Variants in LRBA observed in about 807,000 individuals in gnomAD.
LRBA encodes lipopolysaccharide-responsive and beige-like anchor protein.
A neutral mutation model predicts 330.0 loss-of-function variants in LRBA; 176 were observed. The observed-to-expected ratio is 0.53, with a 90% CI of 0.47 to 0.60. The LOEUF is 0.60. Ranked by LOEUF, LRBA falls within the 20% of genes least tolerant of loss-of-function variation. The probability of loss-of-function intolerance (pLI) is 0.00; values close to 1 mark genes in which losing one functional copy is unlikely to be tolerated. For synonymous variants in LRBA, 1,230 were observed against 1,193.0 expected (o/e 1.03, Z -0.64); for missense variants, 3,259 against 3,444.8 (o/e 0.95, Z 1.35).
intron 30 of LRBA, 101 bp from the exon 31 acceptor site, chr4:150,817,358 A>G: frequency 9.3e-7 from 1 of 1,074,770 alleles, no homozygotes; most frequent in Non-Finnish European, 1.4e-6. Context: ...TTATTTTTCT[A>G]ATTTTCTTTC....
intron 2 of LRBA, among the ~76,000 whole-genome samples, chr4:150,999,430 CT>C (rs1334446246): frequency 7.2e-4 from 105 of 145,454 alleles, no homozygotes; most frequent in Non-Finnish European, 6.5e-4. Flanking sequence ...TGCTGATTTC[CT>C]TTTTTTTTTT....
chr4:150,511,751 TAACA>T (rs775240785), intron 40 of LRBA, among the ~76,000 whole-genome samples: 10 of 152,232 alleles, frequency 6.6e-5, no homozygotes, highest in Admixed American at 6.5e-5. Flanking sequence ...TTTTATAAAT[TAACA>T]AACAGTCTTT....
intron 42 of LRBA, among the ~76,000 whole-genome samples, chr4:150,479,837 G>C (rs867966338): frequency 6.6e-6 from 1 of 152,190 alleles, no homozygotes; most frequent in Non-Finnish European, 1.5e-5. Context: ...ACTCGGTAAG[G>C]AACTGAGGCC....
At chr4:150,351,263 A>C (rs999954377) in intron 47 of LRBA, among the ~76,000 whole-genome samples, 1 of 152,222 alleles carries the variant, frequency 6.6e-6, no homozygotes, top group Non-Finnish European at 1.5e-5. Flanking sequence ...TTAGGAAACT[A>C]TCCATCTTTA....
intron 30 of LRBA, among the ~76,000 whole-genome samples, chr4:150,822,869 A>C (rs1745665927): frequency 6.6e-6 from 1 of 152,186 alleles, no homozygotes; most frequent in Non-Finnish European, 1.5e-5. Context: ...ACATGGTGAA[A>C]CCTCATCTCT....
chr4:150,632,018 G>A (rs2126673722), intron 37 of LRBA, among the ~76,000 whole-genome samples: 1 of 152,244 alleles, frequency 6.6e-6, no homozygotes, highest in East Asian at 1.9e-4. Flanking sequence ...ATCATTTGAG[G>A]TCGGGAGTGT....
At chr4:150,453,362 T>C (rs1377649509) in intron 44 of LRBA, among the ~76,000 whole-genome samples, 1 of 152,138 alleles carries the variant, frequency 6.6e-6, no homozygotes, top group Non-Finnish European at 1.5e-5. Flanking sequence ...GAAATAGACC[T>C]ACACATATAT....
At chr4:150,609,664 T>C (rs940936514) in intron 37 of LRBA, among the ~76,000 whole-genome samples, 2 of 152,154 alleles carry the variant, frequency 1.3e-5, no homozygotes, top group African/African-American at 2.4e-5. Flanking sequence ...GAAGGAAAAG[T>C]AGAGAGTAAA....
rs189891922 is a variant in LRBA at position 150,638,323 on chromosome 4, G to A, written c.5922-39192C>T. Among the ~76,000 whole-genome samples the A allele has an allele frequency of 3.8e-3, 574 of 152,128 alleles. 3 individuals carry two copies. The highest frequency in any genetic ancestry group is 0.02 in the Middle Eastern group (6 of 294). On this transcript the variant is annotated intron_variant, in intron 37 of 56. Transcript: ENST00000651943. ...ATTACAGGCGTAAGCCACCACGCCC[G>A]GCCAACTTCTTTAATTATTATCAAT... is the stretch of plus-strand genomic sequence containing the variant.
chr4:150,559,706 TATA>T lies in LRBA; in HGVS notation c.6330+28339_6330+28341del, dbSNP rs1486331357. 4.8e-3 allele frequency among the ~76,000 whole-genome samples: 433 copies of T among 90,580 alleles called. 4 individuals are homozygous for T. The highest frequency in any genetic ancestry group is 0.019 in the African/African-American group (404 of 21,670). 59.4% of individuals were successfully genotyped at this position (90,580 alleles called of 152,430 possible). A position where few individuals can be genotyped will look rare whatever the true frequency, so the allele number is the denominator to read the frequency against. The stretch of plus-strand genomic sequence containing the variant: ...ATATTATATTATATATTATATATTA[TATA>T]ATATTATAGATTATATAATATATAA... On this transcript the variant is annotated intron_variant, in intron 40 of 56. Transcript: ENST00000651943.
intron 37 of LRBA, among the ~76,000 whole-genome samples, chr4:150,661,083 A>G (rs1349521118): frequency 1.4e-5 from 2 of 147,340 alleles, no homozygotes; most frequent in Non-Finnish European, 3.0e-5. Context: ...TAAATTAAAA[A>G]AAAAAAAAAA....
chr4:150,650,385 T>C (rs1779595241), intron 37 of LRBA, among the ~76,000 whole-genome samples: 1 of 152,198 alleles, frequency 6.6e-6, no homozygotes, highest in Non-Finnish European at 1.5e-5. Context: ...CAAGAAAACA[T>C]TCTATTTTTT....
At chr4:150,423,250 C>G in intron 46 of LRBA, 1 of 1,145,116 alleles carries the variant, frequency 8.7e-7, no homozygotes, top group Non-Finnish European at 1.3e-6. Flanking sequence ...AGAGCTGACA[C>G]GCAGCCGCCT....
At chr4:150,761,096 T>C (rs925610469) in intron 35 of LRBA, among the ~76,000 whole-genome samples, 2 of 152,124 alleles carry the variant, frequency 1.3e-5, no homozygotes, top group Admixed American at 1.3e-4. Context: ...TCACATCTTT[T>C]AATCTATACT....
chr4:150,324,916 T>C (rs1298403759), intron 49 of LRBA, among the ~76,000 whole-genome samples: 1 of 152,172 alleles, frequency 6.6e-6, no homozygotes, highest in African/African-American at 2.4e-5. Flanking sequence ...AATTTTTTTT[T>C]CCTCATTGAA....
At chr4:150,980,516 GC>G (rs911645787) in intron 2 of LRBA, among the ~76,000 whole-genome samples, 10 of 152,322 alleles carry the variant, frequency 6.6e-5, no homozygotes, top group African/African-American at 2.4e-4. Flanking sequence ...GGTGGCACTT[GC>G]CTGTGGTCCC....
At chr4:150,631,694 A>G (rs750414518) in intron 37 of LRBA, among the ~76,000 whole-genome samples, 13 of 152,290 alleles carry the variant, frequency 8.5e-5, no homozygotes, top group Middle Eastern at 6.8e-3. Context: ...TATGAAAGAG[A>G]GGAGACTGTT....
At chr4:150,780,096 G>A (rs1202997240) in intron 34 of LRBA, among the ~76,000 whole-genome samples, 1 of 152,120 alleles carries the variant, frequency 6.6e-6, no homozygotes, top group Non-Finnish European at 1.5e-5. Flanking sequence ...TTAAGTAAAA[G>A]CAGAAAACTT....
intron 47 of LRBA, among the ~76,000 whole-genome samples, chr4:150,403,704 T>A (rs1473741061): frequency 6.6e-6 from 1 of 151,988 alleles, no homozygotes; most frequent in Non-Finnish European, 1.5e-5. Context: ...AGAAAGAAAT[T>A]ATGAAATTAA....
Sources: gnomAD v4.1 joint callset for allele counts (sites outside exome capture counted in the v4.1 genomes callset) on GRCh38, gnomAD v4.1.1 for gene constraint, MANE v1.5 for transcripts, NCBI Gene and HGNC (gene_info 2026-07-23, HGNC 2026-07-21) for gene names.